RBM23: variants seen among roughly 807,000 people sequenced by gnomAD.
RBM23 encodes RNA binding motif protein 23, also known as probable RNA-binding protein 23.
In RBM23, 53 loss-of-function variants were observed where a neutral mutation model predicts 56.2. That is an observed-to-expected ratio of 0.94 (90% CI 0.76 to 1.19). The LOEUF is 1.19. RBM23 is among the 50% of genes most tolerant of loss of function. The pLI, the probability that RBM23 is intolerant of heterozygous loss-of-function variation, is 0.00. For missense variants in RBM23, 642 were observed against 590.3 expected (o/e 1.09, Z -0.91); for synonymous variants, 197 against 198.5 (o/e 0.99, Z 0.06).
At chr14:22,908,187 A>AT in intron 4 of RBM23, 146 bp downstream of exon 4, 3 of 824,654 alleles carry the variant, frequency 3.6e-6, no homozygotes, top group Admixed American at 5.9e-5. Context: ...CACCTGGGTA[A>AT]TTTTTAAATT....
intron 3 of RBM23, chr14:22,908,618 C>A: frequency 5.1e-6 from 2 of 393,460 alleles, no homozygotes; most frequent in Non-Finnish European, 9.1e-6. Flanking sequence ...CATCTTGAAC[C>A]CCTGGCCTCA....
Position 22,918,194 on chromosome 14 carries a change from AGGTCAGCCT to A in RBM23, c.-11+796_-11+804del. The stretch of plus-strand genomic sequence containing the variant: ...TGGATCACCTGAGGTCAGGAGTTCG[AGGTCAGCCT>A]GGCTAACATGGCAAAACCCCATCTC... On this transcript the variant is annotated intron_variant, in intron 1 of 13. Coordinates refer to ENST00000359890, the MANE Select transcript of RBM23 (RefSeq NM_001077351.2). 2.0e-5 allele frequency among the ~76,000 whole-genome samples: 3 copies of A among 152,102 alleles called. No individual in the cohort carries two copies. In the South Asian group the frequency reaches 6.2e-4, roughly 32 times the overall value.
chr14:22,904,067 G>C (rs1694186900), intron 10 of RBM23, 194 bp downstream of exon 10: 1 of 1,517,610 alleles, frequency 6.6e-7, no homozygotes, highest in Non-Finnish European at 8.8e-7. Flanking sequence ...GCCACTGACA[G>C]AGTGTAGGAG....
chr14:22,918,082 A>G (rs2043874561), intron 1 of RBM23, among the ~76,000 whole-genome samples: 1 of 152,028 alleles, frequency 6.6e-6, no homozygotes, highest in Non-Finnish European at 1.5e-5. Context: ...CACCCTCCCC[A>G]TGTTGTGTAG....
chr14:22,902,173 C>G lies in RBM23; in HGVS notation c.1126+14G>C, dbSNP rs539921162. 2.5e-6 allele frequency: 4 copies of G among 1,612,462 alleles called. No individual in the cohort carries two copies. The highest frequency in any genetic ancestry group is 2.2e-5 in the East Asian group (1 of 44,800). Reference sequence around the variant, plus strand: ...ATTCAACCCCATAATCTTCACCTTGCGGAGATATTTTACCTTCTGCCAGTT... The same window carrying G: ...ATTCAACCCCATAATCTTCACCTTGGGGAGATATTTTACCTTCTGCCAGTT... On this transcript the variant is annotated intron_variant, in intron 11 of 13. Coordinates refer to ENST00000359890, the MANE Select transcript of RBM23 (RefSeq NM_001077351.2).
intron 1 of RBM23, among the ~76,000 whole-genome samples, chr14:22,915,950 G>C (rs1213559648): frequency 6.6e-6 from 1 of 152,250 alleles, no homozygotes; most frequent in African/African-American, 2.4e-5. Context: ...CAGAGGGGGT[G>C]GCTCACGCCT....
intron 4 of RBM23, 68 bp downstream of exon 4, chr14:22,908,265 C>T: frequency 6.6e-7 from 1 of 1,515,388 alleles, no homozygotes. Context: ...AAGTGATCCT[C>T]CCGCCTTGGC....
intron 3 of RBM23, among the ~76,000 whole-genome samples, chr14:22,909,011 C>T (rs1474812920): frequency 6.6e-6 from 1 of 151,090 alleles, no homozygotes; most frequent in Non-Finnish European, 1.5e-5. Flanking sequence ...GGTGCGACCT[C>T]GGCTCACTAC....
chr14:22,904,112 A>G (rs1366887551), intron 10 of RBM23, 149 bp downstream of exon 10: 1 of 1,544,300 alleles, frequency 6.5e-7, no homozygotes, highest in East Asian at 2.5e-5. Flanking sequence ...ACTCATCTCA[A>G]GGGGTAGAAG....
Position 22,896,365 on chromosome 14 carries a change from G to GTGGA in RBM23, c.*5361_*5364dup, listed in dbSNP as rs1421882884. 5 of 152,192 alleles carry GTGGA rather than the reference G, an allele frequency of 3.3e-5. No homozygotes were observed. Among genetic ancestry groups the GTGGA allele is most frequent in the African/African-American group, 9.7e-5 (4 of 41,428 alleles). 9.4% of individuals were successfully genotyped at this position (152,192 alleles called of 1,614,324 possible). A position where few individuals can be genotyped will look rare whatever the true frequency, so the allele number is the denominator to read the frequency against. ...CCAGAGTGTGACACTCGGCTACAGGGTGGAGGTCCCCTAGCTTGCTTATGC... is the reference window on the plus strand; with the variant it reads ...CCAGAGTGTGACACTCGGCTACAGGGTGGATGGAGGTCCCCTAGCTTGCTTATGC... On this transcript the variant is annotated 3_prime_UTR_variant, in exon 14 of 14. Coordinates refer to ENST00000359890, the MANE Select transcript of RBM23 (RefSeq NM_001077351.2).
rs2040633950 is a variant in RBM23, at chr14:22,902,111, A to T, written c.1127-12T>A. 6.2e-7 allele frequency: 1 copy of T among 1,605,272 alleles called. No individual in the cohort carries two copies. Among genetic ancestry groups the T allele is most frequent in the Non-Finnish European group, 8.5e-7 (1 of 1,174,424 alleles). Reference sequence around the variant, plus strand: ...TTGGATTCCAGCGCCTAAAAGGAAAAGAAAAGGTGGGATTAAGCCCCAACC... The same window carrying T: ...TTGGATTCCAGCGCCTAAAAGGAAATGAAAAGGTGGGATTAAGCCCCAACC... On this transcript the variant is annotated splice_polypyrimidine_tract_variant and intron_variant, in intron 11 of 13. Coordinates refer to ENST00000359890, the MANE Select transcript of RBM23 (RefSeq NM_001077351.2).
At position 22,910,151 on chromosome 14, in the gene RBM23, C is replaced by CAAAAAAAAAAAAAAAAAAAAAAAA. The variant is rs532892000; in HGVS notation, c.67-580_67-557dup. On this transcript the variant is annotated intron_variant, in intron 2 of 13. Coordinates refer to ENST00000359890, the MANE Select transcript of RBM23 (RefSeq NM_001077351.2). ...TGGGCAGCCTAGTGAGACTCTGTCTCAAAAAAAAAAAAAAAAAAAAAAAAA... is the reference window on the plus strand; with the variant it reads ...TGGGCAGCCTAGTGAGACTCTGTCTCAAAAAAAAAAAAAAAAAAAAAAAAAAAAAAAAAAAAAAAAAAAAAAAAA... Among the ~76,000 whole-genome samples the CAAAAAAAAAAAAAAAAAAAAAAAA allele has an allele frequency of 3.6e-4, 6 of 16,704 alleles. 1 individual carries two copies. The East Asian group carries it at 0.01, about 28-fold the overall frequency. 11.0% of individuals were successfully genotyped at this position (16,704 alleles called of 152,430 possible).
chr14:22,901,002 G>A lies in RBM23; in HGVS notation c.*728C>T, dbSNP rs1218693670. The A allele has an allele frequency of 2.0e-5, 3 of 152,134 alleles. No homozygotes were observed. The highest frequency in any genetic ancestry group is 4.8e-5 in the African/African-American group (2 of 41,402). The allele number at this position is 152,134 out of a possible 1,614,324, so 9.4% of individuals were successfully genotyped here. A position where few individuals can be genotyped will look rare whatever the true frequency, so the allele number is the denominator to read the frequency against. Reference sequence around the variant, plus strand: ...ATGGGAGGAAGGACAAGTATACAAAGGAAGATGGAAGATACTGGAAAGGCA... The same window carrying A: ...ATGGGAGGAAGGACAAGTATACAAAAGAAGATGGAAGATACTGGAAAGGCA... On this transcript the variant is annotated 3_prime_UTR_variant, in exon 14 of 14. Transcript: ENST00000359890.
intron 5 of RBM23, 30 bp downstream of exon 5, chr14:22,906,165 A>C: frequency 6.2e-7 from 1 of 1,611,480 alleles, no homozygotes; most frequent in Non-Finnish European, 8.5e-7. Context: ...ATTATTATAC[A>C]AAAGTGAATC....
At position 22,904,017 on chromosome 14, in the gene RBM23, C is replaced by G. The variant is rs535240372; in HGVS notation, c.930+244G>C. 1.6e-5 allele frequency: 23 copies of G among 1,439,180 alleles called. No individual in the cohort carries two copies. The African/African-American group carries it at 3.2e-4, about 20-fold the overall frequency. 89.2% of individuals were successfully genotyped at this position (1,439,180 alleles called of 1,614,324 possible). On this transcript the variant is annotated intron_variant, in intron 10 of 13. Transcript: ENST00000359890. ...TACCCAAAGAGCCAAGTTGCAGCAC[C>G]AGGGAAGCTGGGTGAACTCCTGAAC...
chr14:22,905,619 T>C lies in RBM23; in HGVS notation c.442A>G (p.Lys148Glu). Reference sequence around the variant, plus strand: ...TTATCAACCCACCTGACTGGGCTCTTCTCTCTGAAATGAGGACTCTTACTG... The same window carrying C: ...TTATCAACCCACCTGACTGGGCTCTCCTCTCTGAAATGAGGACTCTTACTG... Reference protein sequence around the residue: ...GHSKSPHFREKSPVREPVDNL... With the variant: ...GHSKSPHFREESPVREPVDNL... Residue 148 changes from lysine to glutamate, a missense_variant, in exon 6 of 14, where the codon AAG (lysine) becomes GAG (glutamate). Physicochemically the swap from Lys to Glu is moderately conservative, Grantham distance 56 (BLOSUM62 1). Transcript: ENST00000359890. 1 of 1,610,994 alleles carries C rather than the reference T, an allele frequency of 6.2e-7. No homozygotes were observed. Among genetic ancestry groups the C allele is most frequent in the Non-Finnish European group, 8.5e-7 (1 of 1,177,052 alleles).
intron 2 of RBM23, 32 bp downstream of exon 2, chr14:22,911,295 AC>A (rs770132345): frequency 1.5e-5 from 24 of 1,582,236 alleles, no homozygotes; most frequent in Non-Finnish European, 2.0e-5. Flanking sequence ...TTTCTCATTA[AC>A]CCAATTCCAG....
chr14:22,904,482 A>G (rs2041184032), intron 9 of RBM23, among the ~76,000 whole-genome samples, 156 bp from the exon 10 acceptor site: 1 of 151,574 alleles, frequency 6.6e-6, no homozygotes, highest in Non-Finnish European at 1.5e-5. Context: ...TCTCGGAAAA[A>G]AAAAGATTAG....
intron 5 of RBM23, chr14:22,905,908 T>C: frequency 1.7e-6 from 1 of 591,448 alleles, no homozygotes; most frequent in South Asian, 2.1e-5. Context: ...CATGACCATA[T>C]CTAGCTCATT....
Sources: gnomAD v4.1 joint callset for allele counts (sites outside exome capture counted in the v4.1 genomes callset) on GRCh38, gnomAD v4.1.1 for gene constraint, MANE v1.5 for transcripts, NCBI Gene and HGNC (gene_info 2026-07-23, HGNC 2026-07-21) for gene names.